Variants in KDSR observed in about 807,000 individuals in gnomAD.
KDSR encodes the protein 3-dehydrosphinganine reductase.
KDSR carries 23 observed loss-of-function variants against 41.3 expected under a neutral mutation model. That is an observed-to-expected ratio of 0.56 (90% CI 0.40 to 0.79). The LOEUF (loss-of-function observed/expected upper bound fraction) is 0.79. KDSR is among the 30% of genes least tolerant of loss of function. The probability of loss-of-function intolerance (pLI) is 0.00; values close to 1 mark genes in which losing one functional copy is unlikely to be tolerated. For missense variants in KDSR, 351 were observed against 416.8 expected (o/e 0.84, Z 1.37); for synonymous variants, 138 against 151.7 (o/e 0.91, Z 0.66).
chr18:63,359,518 G>A, intron 3 of KDSR: 1 of 412,794 alleles, frequency 2.4e-6, no homozygotes, highest in Non-Finnish European at 4.3e-6. Flanking sequence ...AAAACATTCT[G>A]TTATTTGACC....
intron 7 of KDSR, among the ~76,000 whole-genome samples, chr18:63,339,316 G>C (rs1914275260): frequency 6.6e-6 from 1 of 152,220 alleles, no homozygotes; most frequent in Non-Finnish European, 1.5e-5. Flanking sequence ...CATATTCCCA[G>C]GTCAGCAGAG....
Position 63,335,358 on chromosome 18 carries a change from G to C in KDSR, c.778C>G (p.Gln260Glu). Residue 260 changes from glutamine to glutamate, a missense_variant and splice_region_variant, in exon 9 of 10, where the codon CAA becomes GAA. Coordinates refer to ENST00000645214, the MANE Select transcript of KDSR (RefSeq NM_002035.4). ...CCAAGGGAACTGTTGAAATTTCCTT[G>C]CTAAAAGAGAAGAAAAAGAAGAGAA... ...VAKQIVKDAI[Q>E]GNFNSSLGSD... is the part of the protein sequence containing the mutation. The C allele has an allele frequency of 6.2e-7, 1 of 1,606,562 alleles. No homozygotes were observed. The highest frequency in any genetic ancestry group is 8.5e-7 in the Non-Finnish European group (1 of 1,173,294).
intron 3 of KDSR, among the ~76,000 whole-genome samples, chr18:63,357,042 A>G (rs1200375268): frequency 1.3e-5 from 2 of 152,250 alleles, no homozygotes; most frequent in Non-Finnish European, 2.9e-5. Flanking sequence ...GTGTACTTCA[A>G]TCCTAGGCTG....
chr18:63,338,652 A>G (rs1914254010), intron 8 of KDSR, 148 bp downstream of exon 8: 1 of 621,846 alleles, frequency 1.6e-6, no homozygotes, highest in East Asian at 3.0e-5. Flanking sequence ...TAAAAGAAGA[A>G]AAGTTGAGTC....
chr18:63,362,860 T>A lies in KDSR; in HGVS notation c.117A>T (p.Gly39=). 6.2e-7 allele frequency: 1 copy of A among 1,610,356 alleles called. No homozygotes were observed. The change falls in exon 2 of 10, where the codon GGA becomes GGT. Residue 39 remains glycine (G), a synonymous_variant. Coordinates refer to ENST00000645214, the MANE Select transcript of KDSR (RefSeq NM_002035.4). ...TGCACTTCCCGATGCCACTGGAACC[T>A]CCTGTAACCTAAAACAAAATCATAA... ...ALPGAHVVVT[G]GSSGIGKCIA...
rs552737796 is a variant in KDSR at position 63,361,071 on chromosome 18, T to TAC, written c.199-1281_199-1280dup. Among the ~76,000 whole-genome samples, 565 of 105,008 alleles carry TAC rather than the reference T, an allele frequency of 5.4e-3. 3 individuals carry two copies. The highest frequency in any genetic ancestry group is 0.012 in the African/African-American group (344 of 28,332). The allele number at this position is 105,008 out of a possible 152,430, so 68.9% of individuals were successfully genotyped here. A position where few individuals can be genotyped will look rare whatever the true frequency, so the allele number is the denominator to read the frequency against. On this transcript the variant is annotated intron_variant, in intron 2 of 9. Transcript: ENST00000645214. Reference sequence around the variant, plus strand: ...TATTTTATATATATGTAAATATATATACACACACACACACACACAAATCAG... The same window carrying TAC: ...TATTTTATATATATGTAAATATATATACACACACACACACACACACAAATCAG...
chr18:63,365,694 C>T (rs1915116048), intron 1 of KDSR, among the ~76,000 whole-genome samples: 1 of 152,200 alleles, frequency 6.6e-6, no homozygotes, highest in Non-Finnish European at 1.5e-5. Context: ...CAAAGTTATG[C>T]TCTATAAACT....
intron 6 of KDSR, among the ~76,000 whole-genome samples, chr18:63,347,729 G>GT (rs1485793247): frequency 2.0e-5 from 3 of 151,410 alleles, no homozygotes; most frequent in Non-Finnish European, 2.9e-5. Flanking sequence ...GCATCAGTTT[G>GT]TTTTTTTTGG....
intron 3 of KDSR, among the ~76,000 whole-genome samples, chr18:63,358,518 A>G (rs1914867795): frequency 6.6e-6 from 1 of 152,096 alleles, no homozygotes; most frequent in Admixed American, 6.5e-5. Flanking sequence ...AAGAAGTAGA[A>G]CTAAGTATAT....
At chr18:63,351,896 G>A (rs59645074) in intron 5 of KDSR, among the ~76,000 whole-genome samples, 95,261 of 151,474 alleles carry the variant, frequency 0.63, 30,354 homozygotes, top group Non-Finnish European at 0.68. Flanking sequence ...CAATCCTCCT[G>A]CCTCAGCCTC....
At chr18:63,358,874 TG>T (rs1343571765) in intron 3 of KDSR, among the ~76,000 whole-genome samples, 2 of 134,216 alleles carry the variant, frequency 1.5e-5, no homozygotes, top group Non-Finnish European at 3.2e-5. Flanking sequence ...TGTGCATATA[TG>T]GTAAAATTAA....
chr18:63,366,961 A>G (rs1470237146), intron 1 of KDSR, 50 bp downstream of exon 1: 2 of 1,070,246 alleles, frequency 1.9e-6, no homozygotes, highest in Non-Finnish European at 2.5e-6. Flanking sequence ...CGGCGGCGGA[A>G]AGGCCGCGCG....
In KDSR at chr18:63,327,879, TA is replaced by T; in HGVS notation, c.*3902del. 5.0e-6 allele frequency: 1 copy of T among 198,456 alleles called. No homozygotes were observed. Among genetic ancestry groups the T allele is most frequent in the East Asian group, 7.8e-5 (1 of 12,750 alleles). The allele number at this position is 198,456 out of a possible 1,614,324, so 12.3% of individuals were successfully genotyped here. ...AATAGCCATGTGCGCTTTTATCAGT[TA>T]AAAAGTCTTTAGAGTTATCACATCA... is the stretch of plus-strand genomic sequence containing the variant. On this transcript the variant is annotated 3_prime_UTR_variant, in exon 10 of 10. Coordinates refer to ENST00000645214, the MANE Select transcript of KDSR (RefSeq NM_002035.4).
intron 2 of KDSR, 69 bp from the exon 3 acceptor site, chr18:63,359,861 G>A: frequency 4.8e-6 from 5 of 1,040,506 alleles, no homozygotes; most frequent in Admixed American, 3.5e-5. Flanking sequence ...GCAAAGGAGA[G>A]AAAAAAAGCA....
At chr18:63,349,161 T>C (rs897420870) in intron 6 of KDSR, among the ~76,000 whole-genome samples, 1 of 152,104 alleles carries the variant, frequency 6.6e-6, no homozygotes, top group East Asian at 1.9e-4. Flanking sequence ...GCCAGAAGAT[T>C]GTTTGAGCTT....
intron 6 of KDSR, among the ~76,000 whole-genome samples, chr18:63,347,269 C>T (rs944972139): frequency 6.6e-6 from 1 of 151,858 alleles, no homozygotes; most frequent in South Asian, 2.1e-4. Flanking sequence ...TTTGGGAGGC[C>T]GAGGCAGGCA....
rs1599319402 is a variant in KDSR, at chr18:63,331,918, G to C, written c.880-17C>G. The C allele has an allele frequency of 1.2e-6, 2 of 1,612,378 alleles. No individual in the cohort carries two copies. Among genetic ancestry groups the C allele is most frequent in the African/African-American group, 1.3e-5 (1 of 74,978 alleles). ...GGTGACCACCTGCAAGATAAAGAGA[G>C]AGCTTTTAGTGCATCCAACGGTACA... On this transcript the variant is annotated splice_polypyrimidine_tract_variant and intron_variant, in intron 9 of 9. Coordinates refer to ENST00000645214, the MANE Select transcript of KDSR (RefSeq NM_002035.4).
chr18:63,359,393 T>C (rs536257), intron 3 of KDSR: 32,138 of 214,338 alleles, frequency 0.15, 3,521 homozygotes, highest in East Asian at 0.55. Flanking sequence ...GAAATATAAA[T>C]AGCATTTTAT....
At chr18:63,350,154 A>G (rs563646766) in intron 6 of KDSR, among the ~76,000 whole-genome samples, 42 of 152,294 alleles carry the variant, frequency 2.8e-4, no homozygotes, top group African/African-American at 1.0e-3. Flanking sequence ...TCAGCATGTG[A>G]TTTTTGGGTA....
Sources: allele counts gnomAD v4.1 joint callset (sites outside exome capture counted in the v4.1 genomes callset), GRCh38; gene constraint gnomAD v4.1.1; transcripts MANE v1.5; gene names NCBI Gene and HGNC (gene_info 2026-07-23, HGNC 2026-07-21).